Variants in KLHDC4 observed in about 807,000 individuals in gnomAD.
The protein encoded by KLHDC4 is kelch domain-containing protein 4.
In KLHDC4, 90 loss-of-function variants were observed where a neutral mutation model predicts 62.4. That is an observed-to-expected ratio of 1.44 (90% CI 1.22 to 1.72). The LOEUF is 1.72. KLHDC4 is among the 40% of genes most tolerant of loss of function. The probability of loss-of-function intolerance (pLI) is 0.00; values close to 1 mark genes in which losing one functional copy is unlikely to be tolerated. For synonymous variants in KLHDC4, 386 were observed against 284.4 expected, an observed-to-expected ratio of 1.36 and a Z score of -3.59; for missense variants, 1,025 against 699.7, an observed-to-expected ratio of 1.47 and a Z score of -5.25.
At chr16:87,710,959 C>T (rs777834725) in intron 9 of KLHDC4, 5 of 434,612 alleles carry the variant, frequency 1.2e-5, no homozygotes, top group Non-Finnish European at 2.1e-5. Context: ...CCTTCTCACA[C>T]AGAGGGCCGG....
exon 1 of KLHDC4, chr16:87,701,148 G>C: frequency 5.5e-6 from 1 of 183,480 alleles, no homozygotes; most frequent in Non-Finnish European, 1.1e-5. Context: ...GCGCGTGGGG[G>C]GTGGGTGCTG....
In KLHDC4 at chr16:87,729,676, C is replaced by T. The variant is rs537150840; in HGVS notation, c.599+876G>A. Among the ~76,000 whole-genome samples, 5 of 152,356 alleles carry T rather than the reference C, an allele frequency of 3.3e-5. No individual in the cohort carries two copies. The South Asian group carries it at 8.3e-4, about 25-fold the overall frequency. On this transcript the variant is annotated intron_variant, in intron 6 of 11. Transcript: ENST00000270583. ...GCCATGCCAGCTGCACGAACACCCA[C>T]GTGACATCAAAAGAGAACCGCAGGC...
intron 6 of KLHDC4, among the ~76,000 whole-genome samples, chr16:87,729,826 G>C (rs1396404845): frequency 6.6e-6 from 1 of 152,130 alleles, no homozygotes; most frequent in Non-Finnish European, 1.5e-5. Context: ...ACATCACCTG[G>C]GAGCTTGTTA....
chr16:87,751,153 C>A (rs189730463), intron 4 of KLHDC4, among the ~76,000 whole-genome samples: 1 of 152,194 alleles, frequency 6.6e-6, no homozygotes, highest in African/African-American at 2.4e-5. Flanking sequence ...CATACATGCA[C>A]GCTCCAGTTA....
chr16:87,753,535 C>T (rs937729271), intron 4 of KLHDC4, among the ~76,000 whole-genome samples: 2 of 152,056 alleles, frequency 1.3e-5, no homozygotes, highest in Non-Finnish European at 2.9e-5. Context: ...AGCAGTGGCT[C>T]ACGCCTGTAA....
downstream of KLHDC4, among the ~76,000 whole-genome samples, chr16:87,706,066 C>G (rs981360576): frequency 2.4e-3 from 351 of 148,352 alleles, 2 homozygotes; most frequent in African/African-American, 8.5e-3. Context: ...GTCGGCGGAA[C>G]GCAAACACAA....
chr16:87,723,127 C>G (rs936703884), intron 7 of KLHDC4, among the ~76,000 whole-genome samples: 6 of 152,206 alleles, frequency 3.9e-5, no homozygotes, highest in Middle Eastern at 3.2e-3. Flanking sequence ...GGGCCATGTA[C>G]CAAAGTTTCT....
intron 10 of KLHDC4, chr16:87,708,674 CA>C (rs1302799332): frequency 2.4e-6 from 1 of 415,984 alleles, no homozygotes; most frequent in Non-Finnish European, 4.2e-6. Context: ...TCCGAGACGG[CA>C]AACATGCAAA....
intron 5 of KLHDC4, among the ~76,000 whole-genome samples, chr16:87,747,158 C>T (rs568074274): frequency 2.0e-5 from 3 of 152,374 alleles, no homozygotes; most frequent in East Asian, 3.9e-4. Flanking sequence ...TCACAGACAG[C>T]TCAGAGTCAC....
At chr16:87,708,758 C>A (rs1453672069) in intron 10 of KLHDC4, among the ~76,000 whole-genome samples, 2 of 152,234 alleles carry the variant, frequency 1.3e-5, no homozygotes, top group East Asian at 1.9e-4. Context: ...GGTGTTCTCA[C>A]AAAACAGCAA....
At chr16:87,708,601 C>T (rs879055136) in intron 10 of KLHDC4, 135 bp from the exon 11 acceptor site, 2 of 493,064 alleles carry the variant, frequency 4.1e-6, no homozygotes, top group Non-Finnish European at 3.4e-6. Flanking sequence ...AACTCCTCTT[C>T]CCCGACCCCC....
chr16:87,730,927 G>A (rs1172295350), intron 5 of KLHDC4: 4 of 251,040 alleles, frequency 1.6e-5, no homozygotes, highest in East Asian at 1.9e-4. Flanking sequence ...ACTGGACTCC[G>A]CCAACATAAA....
intron 6 of KLHDC4, 119 bp downstream of exon 6, chr16:87,730,433 A>G: frequency 1.2e-6 from 1 of 844,634 alleles, no homozygotes; most frequent in African/African-American, 1.7e-5. Context: ...CCCAAAGCTC[A>G]TGAAGCTGGA....
intron 7 of KLHDC4, among the ~76,000 whole-genome samples, chr16:87,722,275 G>C (rs373995484): frequency 9.8e-5 from 15 of 152,332 alleles, no homozygotes; most frequent in African/African-American, 2.9e-4. Context: ...TGGCAGCGCA[G>C]AGCCTGGAGG....
intron 6 of KLHDC4, among the ~76,000 whole-genome samples, chr16:87,728,893 G>T (rs1472683674): frequency 6.6e-6 from 1 of 152,084 alleles, no homozygotes; most frequent in African/African-American, 2.4e-5. Flanking sequence ...TCTTGTATCA[G>T]CCTCCCGAGT....
At chr16:87,705,209 G>C (rs995769059), downstream of KLHDC4, among the ~76,000 whole-genome samples, 1 of 152,204 alleles carries the variant, frequency 6.6e-6, no homozygotes, top group African/African-American at 2.4e-5. Context: ...GGGAGACAGA[G>C]GCCCTGGGCT....
intron 6 of KLHDC4, among the ~76,000 whole-genome samples, chr16:87,728,077 C>G (rs1161004180): frequency 4.6e-5 from 7 of 152,282 alleles, no homozygotes; most frequent in African/African-American, 1.4e-4. Flanking sequence ...ATCCCAGCTA[C>G]TCAGGAGGCT....
At chr16:87,723,311 T>G (rs982200773) in intron 7 of KLHDC4, among the ~76,000 whole-genome samples, 2 of 152,190 alleles carry the variant, frequency 1.3e-5, no homozygotes, top group Non-Finnish European at 2.9e-5. Flanking sequence ...TGCCACAGGC[T>G]CAGAGCCAAG....
chr16:87,764,397 C>G (rs2046301478), intron 1 of KLHDC4, among the ~76,000 whole-genome samples: 1 of 152,016 alleles, frequency 6.6e-6, no homozygotes, highest in Admixed American at 6.6e-5. Flanking sequence ...GGCTTGTAAT[C>G]CCAGCACTTT....
Sources: allele counts gnomAD v4.1 joint callset (sites outside exome capture counted in the v4.1 genomes callset), GRCh38; gene constraint gnomAD v4.1.1; transcripts MANE v1.5; gene names NCBI Gene and HGNC (gene_info 2026-07-23, HGNC 2026-07-21).